TLN2: variants seen among roughly 807,000 people sequenced by gnomAD.
TLN2 encodes the protein talin 2, also known as talin-2.
Under a neutral mutation model 294.7 loss-of-function variants are expected in TLN2, and 118 were observed. The observed-to-expected ratio is 0.40, with a 90% confidence interval of 0.34 to 0.47. The LOEUF (loss-of-function observed/expected upper bound fraction) is 0.47. TLN2 is among the 20% of genes least tolerant of loss of function. The probability of loss-of-function intolerance (pLI) is 0.84; values close to 1 mark genes in which losing one functional copy is unlikely to be tolerated. For missense variants in TLN2, 3,083 were observed against 3,282.2 expected, an observed-to-expected ratio of 0.94 and a Z score of 1.48; for synonymous variants, 1,431 against 1,304.5, an observed-to-expected ratio of 1.10 and a Z score of -2.09.
At chr15:62,433,753 T>A (rs2035141906) in intron 1 of TLN2, among the ~76,000 whole-genome samples, 1 of 152,074 alleles carries the variant, frequency 6.6e-6, no homozygotes, top group African/African-American at 2.4e-5. Flanking sequence ...CAGATTCACT[T>A]CCCTTCTTGT....
intron 43 of TLN2, among the ~76,000 whole-genome samples, chr15:62,780,931 G>T (rs1167196795): frequency 6.6e-6 from 1 of 152,164 alleles, no homozygotes; most frequent in Non-Finnish European, 1.5e-5. Flanking sequence ...CTCAGGCAAG[G>T]CTGGGAGCCT....
At chr15:62,541,783 T>A (rs1368225810) in intron 1 of TLN2, among the ~76,000 whole-genome samples, 1 of 152,126 alleles carries the variant, frequency 6.6e-6, no homozygotes, top group Non-Finnish European at 1.5e-5. Context: ...GTAAAGTATG[T>A]GAATCTGTGA....
intron 26 of TLN2, among the ~76,000 whole-genome samples, chr15:62,724,529 A>G (rs1011997066): frequency 2.0e-5 from 3 of 152,222 alleles, no homozygotes; most frequent in African/African-American, 7.2e-5. Context: ...TTTATAATCT[A>G]GAAATTTGTA....
intron 1 of TLN2, among the ~76,000 whole-genome samples, chr15:62,523,543 AT>A (rs1338529730): frequency 8.5e-5 from 13 of 152,366 alleles, no homozygotes; most frequent in African/African-American, 3.1e-4. Flanking sequence ...ATAAGGATAT[AT>A]ATAGAGAGAA....
At chr15:62,828,290 T>C (rs1376782761) in intron 54 of TLN2, 1 of 152,248 alleles carries the variant, frequency 6.6e-6, no homozygotes, top group Non-Finnish European at 1.5e-5. Context: ...CAGCAAGAGT[T>C]GGCCAGACAG....
chr15:62,400,143 C>A (rs1351253049), intron 1 of TLN2, among the ~76,000 whole-genome samples: 1 of 152,168 alleles, frequency 6.6e-6, no homozygotes, highest in African/African-American at 2.4e-5. Flanking sequence ...GGGGCTTTTC[C>A]CCCTTTGCCT....
rs760418283 is a variant in TLN2 at position 62,719,758 on chromosome 15, C to CT, written c.2878-7dup. ...AGCCATGCTGTTTTTATTTCCTTGC[C>CT]TTCTGCAGGCAGTGGCTGATCACAT... is the stretch of plus-strand genomic sequence containing the variant. On this transcript the variant is annotated splice_polypyrimidine_tract_variant and intron_variant, in intron 24 of 58. Transcript: ENST00000636159. 6.3e-7 allele frequency: 1 copy of CT among 1,589,684 alleles called. No individual in the cohort carries two copies. The highest frequency in any genetic ancestry group is 1.1e-5 in the South Asian group (1 of 87,288).
chr15:62,456,317 C>T (rs149444843), intron 1 of TLN2, among the ~76,000 whole-genome samples: 2 of 152,260 alleles, frequency 1.3e-5, no homozygotes, highest in East Asian at 3.9e-4. Context: ...AGGTGAAAAG[C>T]GTTTCATCGG....
chr15:62,404,255 G>C (rs1414465312), intron 1 of TLN2, among the ~76,000 whole-genome samples: 1 of 152,232 alleles, frequency 6.6e-6, no homozygotes, highest in Non-Finnish European at 1.5e-5. Flanking sequence ...AGGACAGCTG[G>C]ATGGAGACAA....
rs546452182 is a variant in TLN2, at chr15:62,715,231, T to A, written c.2635-1100T>A. ...TTATAAATAGCTCAAAGAAATAGGT[T>A]CTTATAAATTGGTAAGTTTAGCAAA... On this transcript the variant is annotated intron_variant, in intron 22 of 58. Transcript: ENST00000636159. Among the ~76,000 whole-genome samples the A allele has an allele frequency of 1.2e-3, 178 of 152,344 alleles. 2 individuals carry two copies. The highest frequency in any genetic ancestry group is 2.5e-3 in the Admixed American group (38 of 15,298).
chr15:62,724,597 G>C (rs914241344), intron 26 of TLN2, among the ~76,000 whole-genome samples: 1 of 152,178 alleles, frequency 6.6e-6, no homozygotes, highest in African/African-American at 2.4e-5. Flanking sequence ...GTGTTCATTT[G>C]TTCATTCACT....
At chr15:62,442,372 T>C (rs1053499813) in intron 1 of TLN2, among the ~76,000 whole-genome samples, 1 of 151,110 alleles carries the variant, frequency 6.6e-6, no homozygotes, top group African/African-American at 2.4e-5. Flanking sequence ...TGCGTGCCTG[T>C]AATCCCAGCT....
intron 2 of TLN2, among the ~76,000 whole-genome samples, chr15:62,599,644 A>G (rs1392440151): frequency 1.3e-5 from 2 of 152,202 alleles, no homozygotes; most frequent in Non-Finnish European, 2.9e-5. Flanking sequence ...AATATTTCCC[A>G]GATATGTTCT....
At chr15:62,431,361 C>T (rs564642548) in intron 1 of TLN2, among the ~76,000 whole-genome samples, 2 of 152,242 alleles carry the variant, frequency 1.3e-5, no homozygotes, top group African/African-American at 4.8e-5. Flanking sequence ...TAGGGATAAA[C>T]AACTAATTAA....
At chr15:62,544,046 C>T (rs1282134359) in intron 1 of TLN2, among the ~76,000 whole-genome samples, 3 of 152,030 alleles carry the variant, frequency 2.0e-5, no homozygotes, top group Non-Finnish European at 4.4e-5. Flanking sequence ...AATGAGGCCT[C>T]GGTCCTGATC....
chr15:62,449,141 A>G (rs2035971161), intron 1 of TLN2, among the ~76,000 whole-genome samples: 1 of 152,184 alleles, frequency 6.6e-6, no homozygotes, highest in South Asian at 2.1e-4. Context: ...CAAAACCTGA[A>G]ATGAAGTGGC....
chr15:62,628,676 C>T (rs561628684), intron 3 of TLN2, among the ~76,000 whole-genome samples: 74 of 152,244 alleles, frequency 4.9e-4, no homozygotes, highest in African/African-American at 1.6e-3. Flanking sequence ...AATGAGATCA[C>T]GCACTGGAGC....
At chr15:62,460,408 G>T (rs949211810) in intron 1 of TLN2, among the ~76,000 whole-genome samples, 2 of 152,142 alleles carry the variant, frequency 1.3e-5, no homozygotes, top group Non-Finnish European at 2.9e-5. Context: ...GGGATTACAG[G>T]CATGTGCCAC....
chr15:62,762,324 G>A lies in TLN2; in HGVS notation c.4832G>A (p.Ser1611Asn), dbSNP rs758210390. ...GTCTCAGCCAAGACCATGCTGGAGA[G>A]TTCATCGTACCTCATTCGCACTGCA... ...ILVSAKTMLE[S>N]SSYLIRTARS... Residue 1611 changes from serine (S) to asparagine (N), a missense_variant, in exon 39 of 59, where the codon AGT (serine) becomes AAT (asparagine). By Grantham distance (46) the Ser-to-Asn change is conservative (BLOSUM62 1). Transcript: ENST00000636159. 6.2e-7 allele frequency: 1 copy of A among 1,614,198 alleles called. No individual in the cohort carries two copies. The highest frequency in any genetic ancestry group is 8.5e-7 in the Non-Finnish European group (1 of 1,180,054).
Sources: allele counts gnomAD v4.1 joint callset (sites outside exome capture counted in the v4.1 genomes callset), GRCh38; gene constraint gnomAD v4.1.1; transcripts MANE v1.5; gene names NCBI Gene and HGNC (gene_info 2026-07-23, HGNC 2026-07-21).